Variants in ARHGAP21 observed in about 807,000 individuals in gnomAD.
ARHGAP21 encodes Rho GTPase activating protein 21.
A neutral mutation model predicts 164.6 loss-of-function variants in ARHGAP21; 38 were observed. The observed-to-expected ratio is 0.23, with a 90% CI of 0.18 to 0.30. The LOEUF (loss-of-function observed/expected upper bound fraction) is 0.30, where lower values mean the gene tolerates loss of function less well. ARHGAP21 is among the 10% of genes least tolerant of loss of function. ARHGAP21 has a pLI of 1.00. For synonymous variants in ARHGAP21, 766 were observed against 857.9 expected (o/e 0.89, Z 1.87); for missense variants, 1,822 against 2,370.7 (o/e 0.77, Z 4.81).
chr10:24,692,604 G>T (rs893992645), intron 2 of ARHGAP21, among the ~76,000 whole-genome samples: 2 of 152,256 alleles, frequency 1.3e-5, no homozygotes, highest in Middle Eastern at 3.4e-3. Context: ...GGCCAAGGTG[G>T]GCGGATCACC....
At chr10:24,684,498 T>C (rs543077674) in intron 2 of ARHGAP21, among the ~76,000 whole-genome samples, 55 of 152,340 alleles carry the variant, frequency 3.6e-4, no homozygotes, top group African/African-American at 1.3e-3. Context: ...TCAAGCATTT[T>C]CTTTTTAAAT....
At chr10:24,605,704 T>G (rs2076994992) in intron 11 of ARHGAP21, 1 of 152,154 alleles carries the variant, frequency 6.6e-6, no homozygotes, top group Non-Finnish European at 1.5e-5. Flanking sequence ...ATGTGAGTAC[T>G]CCCCAAGTTA....
chr10:24,625,586 T>C (rs1381650203), intron 7 of ARHGAP21, among the ~76,000 whole-genome samples: 1 of 152,092 alleles, frequency 6.6e-6, no homozygotes, highest in African/African-American at 2.4e-5. Flanking sequence ...AAAATAGATT[T>C]TAAAAAATTA....
rs1010241186 is a variant in ARHGAP21, at chr10:24,610,375, A to C, written c.2423-2472T>G. 5.7e-3 allele frequency among the ~76,000 whole-genome samples: 854 copies of C among 149,260 alleles called. 7 individuals carry two copies. The highest frequency in any genetic ancestry group is 0.028 in the Middle Eastern group (8 of 288). On this transcript the variant is annotated intron_variant, in intron 9 of 25. Transcript: ENST00000396432. The stretch of plus-strand genomic sequence containing the variant: ...TGGACAACAGAGGACTCTGTCACAA[A>C]AAAAAAAAAAAAAAGTCTTCATTTA...
intron 2 of ARHGAP21, among the ~76,000 whole-genome samples, chr10:24,697,793 G>C (rs1238363161): frequency 1.3e-5 from 2 of 152,122 alleles, no homozygotes; most frequent in African/African-American, 2.4e-5. Flanking sequence ...CTGAGAGGCA[G>C]AGGTTGCAGT....
At chr10:24,647,631 G>C (rs1038526115) in intron 4 of ARHGAP21, among the ~76,000 whole-genome samples, 4 of 152,096 alleles carry the variant, frequency 2.6e-5, no homozygotes, top group African/African-American at 9.7e-5. Context: ...AAATACCCCA[G>C]TGCACCTCCC....
Position 24,619,635 on chromosome 10 carries a change from G to T in ARHGAP21, c.2260C>A (p.Gln754Lys). 7.4e-6 allele frequency: 12 copies of T among 1,614,168 alleles called. No individual in the cohort carries two copies. In the East Asian group the frequency reaches 2.7e-4, roughly 36 times the overall value. The change falls in exon 9 of 26, where the codon CAG becomes AAG. Residue 754 changes from glutamine (Q) to lysine (K), a missense_variant. By Grantham distance (53) the Gln-to-Lys change is moderately conservative. This residue lies in a region of ARHGAP21 where 1,090 missense variants were observed against 1,378.9 expected (regional missense o/e 0.79). Transcript: ENST00000396432. The part of the protein sequence containing the change: ...GRQTPQPLRH[Q>K]SYILAVNDQE... ...TCATTTACTGCCAAGATGTAAGACT[G>T]ATGCCTTAAAGGCTGCGGTGTCTGG...
chr10:24,590,769 C>A (rs2076292691), intron 24 of ARHGAP21: 1 of 985,196 alleles, frequency 1.0e-6, no homozygotes, highest in Non-Finnish European at 1.2e-6. Context: ...GAAAATGGTG[C>A]CCATTACCAG....
intron 2 of ARHGAP21, among the ~76,000 whole-genome samples, chr10:24,670,870 A>G (rs777139104): frequency 6.6e-6 from 1 of 152,194 alleles, no homozygotes; most frequent in Non-Finnish European, 1.5e-5. Context: ...CTGAGCACGA[A>G]TTCAATATCC....
intron 2 of ARHGAP21, among the ~76,000 whole-genome samples, chr10:24,675,623 T>C (rs964086362): frequency 2.6e-5 from 4 of 152,096 alleles, no homozygotes; most frequent in African/African-American, 7.2e-5. Context: ...AATAGGATGC[T>C]TATCATGAAA....
At chr10:24,634,280 T>C (rs1836154434) in intron 5 of ARHGAP21, among the ~76,000 whole-genome samples, 1 of 152,170 alleles carries the variant, frequency 6.6e-6, no homozygotes, top group African/African-American at 2.4e-5. Context: ...CAGTACATCC[T>C]TATAAATCTT....
chr10:24,656,565 T>TG (rs1237974648), intron 4 of ARHGAP21, among the ~76,000 whole-genome samples: 68 of 48,888 alleles, frequency 1.4e-3, no homozygotes, highest in Non-Finnish European at 2.1e-3. Context: ...GGGAGGGAGG[T>TG]GGGGGGGGTC....
At chr10:24,680,460 TCTGAATTGAGCTG>T (rs773460139) in intron 2 of ARHGAP21, among the ~76,000 whole-genome samples, 26 of 152,212 alleles carry the variant, frequency 1.7e-4, no homozygotes, top group Non-Finnish European at 3.2e-4. Flanking sequence ...GCTTCACATT[TCTGAATTGAGCTG>T]CTATGTCTTG....
chr10:24,622,944 C>T (rs1834726773), intron 7 of ARHGAP21, 182 bp from the exon 8 acceptor site: 2 of 534,508 alleles, frequency 3.7e-6, no homozygotes, highest in South Asian at 6.0e-5. Flanking sequence ...TTCTGAACAT[C>T]TTTTTCTCAG....
intron 22 of ARHGAP21, 55 bp from the exon 23 acceptor site, chr10:24,591,738 G>C (rs1467814044): frequency 6.2e-7 from 1 of 1,603,046 alleles, no homozygotes; most frequent in African/African-American, 1.3e-5. Flanking sequence ...AATATACTGA[G>C]ATCTTGGAGG....
chr10:24,590,699 C>T, intron 24 of ARHGAP21: 1 of 1,331,132 alleles, frequency 7.5e-7, no homozygotes, highest in African/African-American at 1.5e-5. Context: ...AAATAAATGT[C>T]AAATAGGCTG....
intron 21 of ARHGAP21, among the ~76,000 whole-genome samples, chr10:24,594,336 A>AC: frequency 6.6e-6 from 1 of 152,156 alleles, no homozygotes; most frequent in East Asian, 1.9e-4. Context: ...CTACAAAGAC[A>AC]CTTTTACAAT....
chr10:24,682,797 A>G (rs979425497), intron 2 of ARHGAP21, among the ~76,000 whole-genome samples: 2 of 151,858 alleles, frequency 1.3e-5, no homozygotes, highest in Non-Finnish European at 2.9e-5. Context: ...TCTGTTTTTC[A>G]GCGGGTATTG....
intron 4 of ARHGAP21, among the ~76,000 whole-genome samples, chr10:24,659,733 G>A (rs1839482222): frequency 6.6e-6 from 1 of 152,072 alleles, no homozygotes; most frequent in Admixed American, 6.5e-5. Context: ...CAACCTCCTG[G>A]CCTCAAGCTG....
Sources: allele counts gnomAD v4.1 joint callset (sites outside exome capture counted in the v4.1 genomes callset), GRCh38; gene constraint gnomAD v4.1.1; regional missense constraint gnomAD v4.1.1; transcripts MANE v1.5; gene names NCBI Gene and HGNC (gene_info 2026-07-23, HGNC 2026-07-21).